MUC5AC: variants seen among roughly 807,000 people sequenced by gnomAD.
MUC5AC encodes mucin-5AC.
MUC5AC carries 158 observed loss-of-function variants against 169.7 expected under a neutral mutation model. The observed-to-expected ratio is 0.93, with a 90% CI of 0.82 to 1.06. The LOEUF (loss-of-function observed/expected upper bound fraction) is 1.06, where lower values mean the gene tolerates loss of function less well. Among genes scored for constraint, MUC5AC ranks in the 50% least tolerant of loss-of-function variants. The probability of loss-of-function intolerance (pLI) is 0.00; values close to 1 mark genes in which losing one functional copy is unlikely to be tolerated. For missense variants in MUC5AC, 4,359 were observed against 3,089.9 expected, an observed-to-expected ratio of 1.41 and a Z score of -9.74; for synonymous variants, 1,975 against 1,237.0, an observed-to-expected ratio of 1.60 and a Z score of -12.52.
chr11:1,162,241 C>G lies in MUC5AC; in HGVS notation c.473+73C>G, dbSNP rs1402438969. 1.9e-6 allele frequency: 3 copies of G among 1,559,668 alleles called. No individual in the cohort carries two copies. The South Asian group carries it at 3.6e-5, about 19-fold the overall frequency. On this transcript the variant is annotated intron_variant, in intron 4 of 48. Transcript: ENST00000621226. Reference sequence around the variant, plus strand: ...GCATTTCCGGGTGGTTGCGGGGTTTCGCGGTCCTGGGAGGGATGTGGATTT... The same window carrying G: ...GCATTTCCGGGTGGTTGCGGGGTTTGGCGGTCCTGGGAGGGATGTGGATTT...
At chr11:1,165,454 G>A (rs748525112) in intron 10 of MUC5AC, 35 bp downstream of exon 10, 23 of 1,602,580 alleles carry the variant, frequency 1.4e-5, no homozygotes, top group Middle Eastern at 1.8e-4. Flanking sequence ...CACCAAGGAT[G>A]TGCTATGGGA....
chr11:1,168,852 C>T lies in MUC5AC; in HGVS notation c.1706-10C>T, dbSNP rs56225584. 406 of 1,584,500 alleles carry T rather than the reference C, an allele frequency of 2.6e-4. No individual in the cohort carries two copies. The East Asian group carries it at 6.3e-3, about 24-fold the overall frequency. On this transcript the variant is annotated splice_polypyrimidine_tract_variant and intron_variant, in intron 14 of 48. Transcript: ENST00000621226. ...GCGCATGGTCCTCAACCTGCCTAAC[C>T]CGCCCCCAGGTCTCTGTGGGAACTT...
chr11:1,180,817 A>G (rs1432342764), intron 28 of MUC5AC, among the ~76,000 whole-genome samples: 8 of 152,032 alleles, frequency 5.3e-5, no homozygotes, highest in Non-Finnish European at 1.0e-4. Context: ...CTGGGCCGAG[A>G]TGGAGCCCTA....
intron 39 of MUC5AC, 22 bp downstream of exon 39, chr11:1,196,742 T>TG (rs760070277): frequency 6.7e-6 from 5 of 741,820 alleles, no homozygotes; most frequent in South Asian, 4.2e-5. Context: ...AGGCCGGGGC[T>TG]GGGGGGTGTG....
rs960518275 is a variant in MUC5AC, at chr11:1,179,259, G to A, written c.3484+11G>A. The A allele has an allele frequency of 4.7e-4, 262 of 553,578 alleles. 1 individual carries two copies. The highest frequency in any genetic ancestry group is 1.3e-3 in the Middle Eastern group (3 of 2,252). 34.3% of individuals were successfully genotyped at this position (553,578 alleles called of 1,614,324 possible). ...CCCCGAGCATCTGCCGTGAGTGCGA[G>A]TGGGCACCTGGGGAAGAACAGGAAG... is the stretch of plus-strand genomic sequence containing the variant. On this transcript the variant is annotated intron_variant, in intron 26 of 48. Transcript: ENST00000621226.
In MUC5AC at chr11:1,194,219, T is replaced by G. The variant is rs762174646; in HGVS notation, c.14865T>G (p.Tyr4955Ter). The G allele has an allele frequency of 3.9e-6, 3 of 764,912 alleles. No homozygotes were observed. Among genetic ancestry groups the G allele is most frequent in the Non-Finnish European group, 7.2e-6 (3 of 417,878 alleles). The allele number at this position is 764,912 out of a possible 1,614,324, so 47.4% of individuals were successfully genotyped here. The change falls in exon 34 of 49, where the codon TAT (tyrosine) becomes TAG (stop). Residue 4955 changes from tyrosine (Y) to a stop codon, truncating the protein, a stop_gained. Transcript: ENST00000621226. LOFTEE classifies it high-confidence loss of function. ...TGGTGCAGCAGATTGTGCCCGTGTA[T>G]GGCCACTTCCGCGTGCTCGTCGACA... ...YVLVQQIVPV[Y>*]GHFRVLVDNY...
chr11:1,169,270 G>T (rs901767896), intron 15 of MUC5AC: 2 of 701,526 alleles, frequency 2.9e-6, no homozygotes, highest in South Asian at 1.3e-4. Context: ...GTCAACATCC[G>T]CCCTGACCGC....
At chr11:1,194,393 T>TG in intron 34 of MUC5AC, 33 bp downstream of exon 34, 1 of 698,546 alleles carries the variant, frequency 1.4e-6, no homozygotes, top group Admixed American at 2.0e-5. Context: ...GCGGAGGGGG[T>TG]GGGGGACGCG....
intron 15 of MUC5AC, among the ~76,000 whole-genome samples, chr11:1,172,166 A>C (rs1313619680): frequency 6.6e-6 from 1 of 152,230 alleles, no homozygotes. Flanking sequence ...GGAAGGCGGC[A>C]CTGTGAGAGG....
In MUC5AC at chr11:1,198,939, A is replaced by G. The variant is rs1478940433; in HGVS notation, c.16239A>G (p.Pro5413=). 1.3e-6 allele frequency: 1 copy of G among 762,810 alleles called. No homozygotes were observed. The allele number at this position is 762,810 out of a possible 1,614,324, so 47.3% of individuals were successfully genotyped here. A position where few individuals can be genotyped will look rare whatever the true frequency, so the allele number is the denominator to read the frequency against. Residue 5413 remains proline (P), a synonymous_variant, in exon 44 of 49, where the codon CCA becomes CCG. Transcript: ENST00000621226. The part of the protein sequence containing the change: ...TCRCELPGGP[P]SDAFVVSCET... Reference sequence around the variant, plus strand: ...GGTGTGAGCTGCCGGGTGGCCCCCCATCGGACGCGTTTGTGGTCAGCTGTG... The same window carrying G: ...GGTGTGAGCTGCCGGGTGGCCCCCCGTCGGACGCGTTTGTGGTCAGCTGTG...
intron 16 of MUC5AC, 56 bp from the exon 17 acceptor site, chr11:1,174,440 G>C: frequency 9.0e-7 from 1 of 1,114,620 alleles, no homozygotes. Flanking sequence ...AGGGCGTGGG[G>C]GGCCACCAGG....
intron 33 of MUC5AC, among the ~76,000 whole-genome samples, 193 bp downstream of exon 33, chr11:1,193,852 C>T (rs1590151030): frequency 6.6e-6 from 1 of 152,246 alleles, no homozygotes; most frequent in African/African-American, 2.4e-5. Context: ...TGAGTGAATC[C>T]CTGTGAGCCT....
chr11:1,196,607 C>G lies in MUC5AC; in HGVS notation c.15726-10C>G. 2 of 761,544 alleles carry G rather than the reference C, an allele frequency of 2.6e-6. No homozygotes were observed. Among genetic ancestry groups the G allele is most frequent in the Non-Finnish European group, 4.8e-6 (2 of 416,416 alleles). 47.2% of individuals were successfully genotyped at this position (761,544 alleles called of 1,614,324 possible). On this transcript the variant is annotated splice_polypyrimidine_tract_variant and intron_variant, in intron 38 of 48. Transcript: ENST00000621226. ...AAAAAGGAGACCCACCAACCCTATG[C>G]TCTCTACAGGGCTCTGCCGGAGGCC...
In MUC5AC at chr11:1,189,267, C is replaced by G. The variant is rs1861024291; in HGVS notation, c.11122C>G (p.Pro3708Ala). ...SAPTTSTTSA[P>A]TTSTTSTPQT... ...TCCCACAACGAGCACAACTTCTGCCCCTACAACCAGCACAACCTCCACTCC... is the reference window on the plus strand; with the variant it reads ...TCCCACAACGAGCACAACTTCTGCCGCTACAACCAGCACAACCTCCACTCC... Residue 3708 changes from proline (P) to alanine (A), a missense_variant, in exon 31 of 49, where the codon CCT (proline) becomes GCT (alanine). By Grantham distance (27) the Pro-to-Ala change is conservative. Coordinates refer to ENST00000621226, the MANE Select transcript of MUC5AC (RefSeq NM_001304359.2). 3 of 589,520 alleles carry G rather than the reference C, an allele frequency of 5.1e-6. No homozygotes were observed. The highest frequency in any genetic ancestry group is 9.1e-6 in the Non-Finnish European group (3 of 331,266). The allele number at this position is 589,520 out of a possible 1,614,324, so 36.5% of individuals were successfully genotyped here.
chr11:1,171,334 C>CCCAT (rs1860521019), intron 15 of MUC5AC, among the ~76,000 whole-genome samples: 3 of 125,324 alleles, frequency 2.4e-5, no homozygotes, highest in African/African-American at 3.3e-5. Context: ...CACTCACTCA[C>CCCAT]TCACGCATTC....
intron 19 of MUC5AC, 138 bp from the exon 20 acceptor site, chr11:1,176,013 C>T (rs1256336045): frequency 1.8e-5 from 7 of 397,310 alleles, no homozygotes; most frequent in Admixed American, 4.4e-5. Context: ...CCCACTCATG[C>T]ACATGCACTC....
At chr11:1,198,715 G>A (rs897450601) in intron 43 of MUC5AC, among the ~76,000 whole-genome samples, 159 bp from the exon 44 acceptor site, 6 of 152,098 alleles carry the variant, frequency 3.9e-5, no homozygotes, top group Non-Finnish European at 8.8e-5. Context: ...GCACCAAGAG[G>A]TGCCACCACG....
In MUC5AC at chr11:1,189,369, AC is replaced by A; in HGVS notation, c.11226del (p.Ser3743AlafsTer46). 1 of 572,710 alleles carries A rather than the reference AC, an allele frequency of 1.7e-6. No individual in the cohort carries two copies. Among genetic ancestry groups the A allele is most frequent in the Non-Finnish European group, 3.1e-6 (1 of 324,016 alleles). The allele number at this position is 572,710 out of a possible 1,614,324, so 35.5% of individuals were successfully genotyped here. ...PTTSTISAPTTSTISAPTTST... is the reference protein window; with the variant it reads ...PTTSTISAPTXSTISAPTTST... The stretch of plus-strand genomic sequence containing the variant: ...CACCAGCACAATCTCTGCCCCTACA[AC>A]CAGCACAATCTCTGCCCCTACAACC... On this transcript the variant is annotated frameshift_variant, in exon 31 of 49. Coordinates refer to ENST00000621226, the MANE Select transcript of MUC5AC (RefSeq NM_001304359.2). LOFTEE classifies it high-confidence loss of function.
At chr11:1,163,768 G>A (rs1264528583) in intron 6 of MUC5AC, 114 bp from the exon 7 acceptor site, 11 of 784,884 alleles carry the variant, frequency 1.4e-5, no homozygotes, top group Middle Eastern at 2.8e-4. Context: ...AGGAGCCACC[G>A]ATGGCCCTTC....
Sources: gnomAD v4.1 joint callset for allele counts (sites outside exome capture counted in the v4.1 genomes callset) on GRCh38, gnomAD v4.1.1 for gene constraint, MANE v1.5 for transcripts, NCBI Gene and HGNC (gene_info 2026-07-23, HGNC 2026-07-21) for gene names.